SNX29: variants seen among roughly 807,000 people sequenced by gnomAD.
SNX29 encodes the protein sorting nexin 29, also known as sorting nexin-29.
SNX29 carries 78 observed loss-of-function variants against 102.1 expected under a neutral mutation model. The observed-to-expected ratio is 0.76, with a 90% CI of 0.64 to 0.92. The LOEUF is 0.92. Among genes scored for constraint, SNX29 ranks in the 40% least tolerant of loss-of-function variants. The pLI is 0.00. For synonymous variants in SNX29, 580 were observed against 414.5 expected, an observed-to-expected ratio of 1.40 and a Z score of -4.85; for missense variants, 1,280 against 1,061.7, an observed-to-expected ratio of 1.21 and a Z score of -2.86.
chr16:12,129,706 A>T lies in SNX29; in HGVS notation c.1543A>T (p.Lys515Ter). The change falls in exon 13 of 21, where the codon AAG (lysine) becomes TAG (stop). Residue 515 changes from lysine (K) to a stop codon, truncating the protein, a stop_gained. Coordinates refer to ENST00000566228, the MANE Select transcript of SNX29 (RefSeq NM_032167.5). LOFTEE classifies it high-confidence loss of function. The part of the protein sequence containing the change: ...LRQEVDTLKR[K>*]VAEQEERQGM... ...GCAAGAGGTGGACACCTTGAAAAGG[A>T]AGGTGGCTGAACAGGAGGAGCGGCA... 6.2e-7 allele frequency: 1 copy of T among 1,610,936 alleles called. No individual in the cohort carries two copies. The highest frequency in any genetic ancestry group is 1.7e-5 in the Admixed American group (1 of 59,900).
chr16:12,127,184 G>A (rs1023349908), intron 12 of SNX29, among the ~76,000 whole-genome samples: 5 of 151,412 alleles, frequency 3.3e-5, no homozygotes, highest in East Asian at 2.0e-4. Context: ...GCTTGAACCC[G>A]GGAGGCGGAG....
In SNX29 at chr16:12,571,665, G is replaced by C; in HGVS notation, c.*3036G>C. The C allele has an allele frequency of 9.4e-7, 1 of 1,059,320 alleles. No individual in the cohort carries two copies. Among genetic ancestry groups the C allele is most frequent in the Non-Finnish European group, 1.1e-6 (1 of 875,858 alleles). 65.6% of individuals were successfully genotyped at this position (1,059,320 alleles called of 1,614,324 possible). A position where few individuals can be genotyped will look rare whatever the true frequency, so the allele number is the denominator to read the frequency against. On this transcript the variant is annotated 3_prime_UTR_variant, in exon 21 of 21. Coordinates refer to ENST00000566228, the MANE Select transcript of SNX29 (RefSeq NM_032167.5). ...TGAAAGACGACTCAGGAACGGTAGG[G>C]CTGGGCAGAGGTGTCTCTCCTTGAG...
At chr16:12,083,485 CTCT>C (rs148118798) in intron 11 of SNX29, among the ~76,000 whole-genome samples, 5 of 140,194 alleles carry the variant, frequency 3.6e-5, no homozygotes, top group African/African-American at 1.3e-4. Context: ...TGTCCCTTAT[CTCT>C]TCTTATAAGG....
At chr16:12,038,269 C>G (rs571930400) in intron 4 of SNX29, among the ~76,000 whole-genome samples, 2 of 152,216 alleles carry the variant, frequency 1.3e-5, no homozygotes, top group Non-Finnish European at 2.9e-5. Flanking sequence ...AGTGCCTGAA[C>G]TAGAATTTGG....
At chr16:12,373,119 A>C (rs762662074) in intron 16 of SNX29, 1 of 152,016 alleles carries the variant, frequency 6.6e-6, no homozygotes, top group Non-Finnish European at 1.5e-5. Flanking sequence ...CCTCACCTTT[A>C]TTTCTTTACA....
chr16:12,194,808 G>A (rs1462312154), intron 13 of SNX29, among the ~76,000 whole-genome samples: 1 of 151,792 alleles, frequency 6.6e-6, no homozygotes, highest in African/African-American at 2.4e-5. Flanking sequence ...TGTATTTTTA[G>A]TAGAGATGGG....
chr16:12,071,601 C>T (rs997399994), intron 10 of SNX29, among the ~76,000 whole-genome samples: 28 of 152,148 alleles, frequency 1.8e-4, no homozygotes, highest in African/African-American at 6.5e-4. Flanking sequence ...AGTCCGGTAG[C>T]GTGATGCCTC....
At chr16:12,024,781 T>C (rs998820343) in intron 3 of SNX29, among the ~76,000 whole-genome samples, 1 of 152,194 alleles carries the variant, frequency 6.6e-6, no homozygotes, top group African/African-American at 2.4e-5. Context: ...TAATAGCAAT[T>C]GTTGAGTTGA....
At chr16:11,976,882 C>T in intron 1 of SNX29, 69 bp downstream of exon 1, 3 of 1,293,886 alleles carry the variant, frequency 2.3e-6, no homozygotes, top group Admixed American at 4.2e-5. Context: ...GCTGCACACT[C>T]CGGCCCCTGC....
chr16:12,236,814 G>A (rs1250547344), intron 14 of SNX29, among the ~76,000 whole-genome samples: 4 of 152,208 alleles, frequency 2.6e-5, no homozygotes. Context: ...TTGGTCATCC[G>A]TCCTCCCCTA....
intron 20 of SNX29, among the ~76,000 whole-genome samples, chr16:12,564,452 T>G (rs2078904882): frequency 6.6e-6 from 1 of 151,878 alleles, no homozygotes; most frequent in Non-Finnish European, 1.5e-5. Flanking sequence ...CAGAAAGCTG[T>G]GTTTTGGGGA....
At chr16:12,331,410 T>C (rs2081288426) in intron 15 of SNX29, among the ~76,000 whole-genome samples, 1 of 152,212 alleles carries the variant, frequency 6.6e-6, no homozygotes, top group Admixed American at 6.5e-5. Flanking sequence ...CCAAAAAGCA[T>C]TTGAAGCAGC....
At chr16:12,564,451 G>A (rs1271220011) in intron 20 of SNX29, among the ~76,000 whole-genome samples, 1 of 151,918 alleles carries the variant, frequency 6.6e-6, no homozygotes, top group Non-Finnish European at 1.5e-5. Context: ...TCAGAAAGCT[G>A]TGTTTTGGGG....
intron 19 of SNX29, among the ~76,000 whole-genome samples, chr16:12,512,815 TC>T (rs994025429): frequency 2.0e-5 from 3 of 152,146 alleles, no homozygotes; most frequent in African/African-American, 7.2e-5. Flanking sequence ...CTGAATCCGA[TC>T]CCATGGACTC....
chr16:12,404,429 G>T (rs1279495675), intron 18 of SNX29, among the ~76,000 whole-genome samples: 1 of 151,976 alleles, frequency 6.6e-6, no homozygotes, highest in Non-Finnish European at 1.5e-5. Context: ...CTCTTACCAC[G>T]GACTCTGATT....
Position 12,572,037 on chromosome 16 carries a change from G to C in SNX29, c.*3408G>C. The stretch of plus-strand genomic sequence containing the variant: ...TGCTGGCTATAAAAGGGATCATCCA[G>C]TGGAGTTGTAAACAAGGGAACCATC... On this transcript the variant is annotated 3_prime_UTR_variant, in exon 21 of 21. Coordinates refer to ENST00000566228, the MANE Select transcript of SNX29 (RefSeq NM_032167.5). The C allele has an allele frequency of 9.4e-7, 1 of 1,063,484 alleles. No homozygotes were observed. Among genetic ancestry groups the C allele is most frequent in the Non-Finnish European group, 1.1e-6 (1 of 878,154 alleles). The allele number at this position is 1,063,484 out of a possible 1,614,324, so 65.9% of individuals were successfully genotyped here. A position where few individuals can be genotyped will look rare whatever the true frequency, so the allele number is the denominator to read the frequency against.
At chr16:12,033,826 C>T (rs1052725739) in intron 4 of SNX29, among the ~76,000 whole-genome samples, 4 of 152,062 alleles carry the variant, frequency 2.6e-5, no homozygotes, top group East Asian at 1.9e-4. Flanking sequence ...AGGCTGGTCT[C>T]GAACTACTGA....
intron 16 of SNX29, among the ~76,000 whole-genome samples, chr16:12,357,696 G>A (rs113312669): frequency 0.042 from 6,344 of 152,116 alleles, 424 homozygotes; most frequent in African/African-American, 0.14. Flanking sequence ...GTCAGTGCCT[G>A]CTCCCCACTC....
chr16:12,562,970 G>GTAGCAAAGGAA (rs571172799), intron 20 of SNX29, among the ~76,000 whole-genome samples: 17 of 117,768 alleles, frequency 1.4e-4, no homozygotes, highest in South Asian at 7.8e-4. Flanking sequence ...AACACAAGGG[G>GTAGCAAAGGAA]TGAGGGCTGA....
Sources: allele counts gnomAD v4.1 joint callset (sites outside exome capture counted in the v4.1 genomes callset), GRCh38; gene constraint gnomAD v4.1.1; transcripts MANE v1.5; gene names NCBI Gene and HGNC (gene_info 2026-07-23, HGNC 2026-07-21).